CAMK1D: variants seen among roughly 807,000 people sequenced by gnomAD.
CAMK1D encodes calcium/calmodulin-dependent protein kinase type 1D.
A neutral mutation model predicts 47.7 loss-of-function variants in CAMK1D; 9 were observed. That is an observed-to-expected ratio of 0.19 (90% confidence interval 0.11 to 0.33). The LOEUF is 0.33. Among genes scored for constraint, CAMK1D ranks in the 10% least tolerant of loss-of-function variants. The pLI, the probability that CAMK1D is intolerant of heterozygous loss-of-function variation, is 1.00. For synonymous variants in CAMK1D, 184 were observed against 184.9 expected, an observed-to-expected ratio of 0.99 and a Z score of 0.04; for missense variants, 291 against 488.7, an observed-to-expected ratio of 0.60 and a Z score of 3.81.
chr10:12,419,640 GCACACACACACACA>G (rs111807347), intron 1 of CAMK1D, among the ~76,000 whole-genome samples: 11 of 147,082 alleles, frequency 7.5e-5, no homozygotes, highest in African/African-American at 1.5e-4. Flanking sequence ...AAGAGAAAAT[GCACACACACACACA>G]CACACACACA....
intron 1 of CAMK1D, among the ~76,000 whole-genome samples, chr10:12,385,392 A>G (rs985286360): frequency 6.6e-6 from 1 of 152,274 alleles, no homozygotes; most frequent in Non-Finnish European, 1.5e-5. Flanking sequence ...GTACGTATCC[A>G]TACAATGATG....
At chr10:12,405,785 A>C (rs368074695) in intron 1 of CAMK1D, among the ~76,000 whole-genome samples, 2 of 152,194 alleles carry the variant, frequency 1.3e-5, no homozygotes, top group African/African-American at 2.4e-5. Context: ...AAGAACAAAC[A>C]CTTAGCTTTA....
At chr10:12,511,172 C>T (rs1318398034) in intron 1 of CAMK1D, among the ~76,000 whole-genome samples, 1 of 152,206 alleles carries the variant, frequency 6.6e-6, no homozygotes, top group Admixed American at 6.5e-5. Context: ...GGCAATGGAA[C>T]GTCTGTCTTC....
chr10:12,632,701 G>GT (rs1162364966), intron 2 of CAMK1D, among the ~76,000 whole-genome samples: 3 of 151,948 alleles, frequency 2.0e-5, no homozygotes, highest in Admixed American at 1.3e-4. Flanking sequence ...TTTTGTTTTT[G>GT]TTTTTTCTTT....
At position 12,798,771 on chromosome 10, in the gene CAMK1D, A is replaced by G. The variant is rs1194773259; in HGVS notation, c.641+7538A>G. Among the ~76,000 whole-genome samples, 3 of 152,224 alleles carry G rather than the reference A, an allele frequency of 2.0e-5. No individual in the cohort carries two copies. In the East Asian group the frequency reaches 5.8e-4, roughly 29 times the overall value. ...GAGTTGATCGAGCTTTGAACTTTTA[A>G]TATCTCAAACTTGGGGATGGGGAAA... On this transcript the variant is annotated intron_variant, in intron 6 of 10. Coordinates refer to ENST00000619168, the MANE Select transcript of CAMK1D (RefSeq NM_153498.4).
chr10:12,539,360 G>A (rs1212846012), intron 1 of CAMK1D, among the ~76,000 whole-genome samples: 1 of 152,166 alleles, frequency 6.6e-6, no homozygotes, highest in Non-Finnish European at 1.5e-5. Flanking sequence ...TGAGACATCT[G>A]CCCTGAATGA....
At chr10:12,585,273 G>A (rs1009831907) in intron 2 of CAMK1D, among the ~76,000 whole-genome samples, 4 of 152,184 alleles carry the variant, frequency 2.6e-5, no homozygotes, top group African/African-American at 9.7e-5. Flanking sequence ...CCAGATGCTG[G>A]GGCCTGAGAC....
At chr10:12,766,038 T>C (rs1299657876) in intron 4 of CAMK1D, among the ~76,000 whole-genome samples, 9 of 144,186 alleles carry the variant, frequency 6.2e-5, no homozygotes. Context: ...CAATCTCAAC[T>C]CTCTGCAACC....
Position 12,759,202 on chromosome 10 carries a change from A to G in CAMK1D, c.300-1746A>G, listed in dbSNP as rs531860396. Among the ~76,000 whole-genome samples the G allele has an allele frequency of 1.1e-3, 162 of 152,264 alleles. 1 individual carries two copies. The highest frequency in any genetic ancestry group is 3.7e-3 in the African/African-American group (155 of 41,560). On this transcript the variant is annotated intron_variant, in intron 3 of 10. Transcript: ENST00000619168. ...CGTCTCTACTAAAAATACAAAAATT[A>G]GCCGGGTGTGGTGGCACGTACCTGT...
At chr10:12,671,911 C>CTTT (rs773722384) in intron 3 of CAMK1D, among the ~76,000 whole-genome samples, 19 of 98,882 alleles carry the variant, frequency 1.9e-4, no homozygotes, top group African/African-American at 2.3e-4. Context: ...TCACCTAATT[C>CTTT]TTTTTTTTTT....
intron 1 of CAMK1D, among the ~76,000 whole-genome samples, chr10:12,535,312 G>C (rs556652451): frequency 2.6e-5 from 4 of 152,304 alleles, no homozygotes; most frequent in East Asian, 3.9e-4. Flanking sequence ...TTCACTCTCT[G>C]TTCTGAAGTG....
intron 1 of CAMK1D, among the ~76,000 whole-genome samples, chr10:12,536,155 G>A (rs1358937898): frequency 1.3e-5 from 2 of 151,842 alleles, no homozygotes; most frequent in Non-Finnish European, 2.9e-5. Context: ...AGAAAAATAA[G>A]TGAACAGATT....
chr10:12,602,226 T>G (rs910489136), intron 2 of CAMK1D, among the ~76,000 whole-genome samples: 1 of 152,190 alleles, frequency 6.6e-6, no homozygotes, highest in Admixed American at 6.5e-5. Flanking sequence ...ATCTTTTATT[T>G]TATCTGTTTA....
chr10:12,437,223 G>A (rs941306261), intron 1 of CAMK1D, among the ~76,000 whole-genome samples: 3 of 151,798 alleles, frequency 2.0e-5, no homozygotes, highest in South Asian at 2.1e-4. Context: ...CTAGAGTCTC[G>A]CTTTGTCACC....
intron 6 of CAMK1D, among the ~76,000 whole-genome samples, chr10:12,798,430 A>C (rs535136181): frequency 6.6e-6 from 1 of 152,176 alleles, no homozygotes; most frequent in South Asian, 2.1e-4. Flanking sequence ...ATAAATTACA[A>C]TCTAGTCTTA....
At chr10:12,526,897 C>CAAAAAAAAAAA (rs202209844) in intron 1 of CAMK1D, among the ~76,000 whole-genome samples, 1 of 129,830 alleles carries the variant, frequency 7.7e-6, no homozygotes, top group African/African-American at 3.0e-5. Context: ...AACCCTATCT[C>CAAAAAAAAAAA]AAAAAAAAAA....
At chr10:12,714,761 T>TACACACACACACACACACACACACAC (rs55827922) in intron 3 of CAMK1D, among the ~76,000 whole-genome samples, 1 of 130,518 alleles carries the variant, frequency 7.7e-6, no homozygotes, top group Non-Finnish European at 1.6e-5. Context: ...TACATTAAAT[T>TACACACACACACACACACACACACAC]ACACACACAC....
chr10:12,590,673 A>T (rs1339967289), intron 2 of CAMK1D, among the ~76,000 whole-genome samples: 1 of 152,260 alleles, frequency 6.6e-6, no homozygotes, highest in African/African-American at 2.4e-5. Flanking sequence ...ATAATGAATT[A>T]TATGTATCTA....
intron 2 of CAMK1D, among the ~76,000 whole-genome samples, chr10:12,626,136 T>C (rs964115163): frequency 1.3e-5 from 2 of 152,216 alleles, no homozygotes; most frequent in South Asian, 4.1e-4. Context: ...ATAATTCATA[T>C]GCATATGTGA....
Sources: gnomAD v4.1 joint callset for allele counts (sites outside exome capture counted in the v4.1 genomes callset) on GRCh38, gnomAD v4.1.1 for gene constraint, MANE v1.5 for transcripts, NCBI Gene and HGNC (gene_info 2026-07-23, HGNC 2026-07-21) for gene names.